Variants in PIWIL1 observed in about 807,000 individuals in gnomAD.
The protein encoded by PIWIL1 is piwi like RNA-mediated gene silencing 1.
Under a neutral mutation model 114.4 loss-of-function variants are expected in PIWIL1, and 73 were observed. The ratio of observed to expected loss-of-function variants is 0.64; its 90% CI spans 0.53 to 0.78. The LOEUF (loss-of-function observed/expected upper bound fraction) is 0.78, where lower values mean the gene tolerates loss of function less well. Ranked by LOEUF, PIWIL1 falls within the 30% of genes least tolerant of loss-of-function variation. The pLI is 0.00. For missense variants in PIWIL1, 723 were observed against 1,063.1 expected (o/e 0.68, Z 4.45); for synonymous variants, 375 against 369.0 (o/e 1.02, Z -0.19).
chr12:130,377,768 G>A, the PIWIL1 span, among the ~76,000 whole-genome samples: 26 of 152,228 alleles, frequency 1.7e-4, no homozygotes, highest in Admixed American at 1.6e-3. Context: ...CAGGGCCTGA[G>A]GTACCTTAGC....
At chr12:130,421,319 C>T in the PIWIL1 span, among the ~76,000 whole-genome samples, 2 of 152,342 alleles carry the variant, frequency 1.3e-5, no homozygotes, top group African/African-American at 2.4e-5. Flanking sequence ...TCTTTTATTA[C>T]TCAGTTAACT....
In PIWIL1 at chr12:130,362,721, A is replaced by G. The variant is rs752100782; in HGVS notation, c.1971-45A>G. On this transcript the variant is annotated intron_variant, in intron 16 of 20. Coordinates refer to ENST00000245255, the MANE Select transcript of PIWIL1 (RefSeq NM_004764.5). ...AGAATAATTCAGAAAGGAAAAATTG[A>G]TAGACAATTGCATTCTTATTCTAGC... The G allele has an allele frequency of 3.3e-6, 5 of 1,524,786 alleles. No individual in the cohort carries two copies. In the South Asian group the frequency reaches 5.7e-5, roughly 17 times the overall value. 94.5% of individuals were successfully genotyped at this position (1,524,786 alleles called of 1,614,324 possible).
intron 6 of PIWIL1, 121 bp downstream of exon 6, chr12:130,347,183 G>C: frequency 1.4e-6 from 1 of 728,322 alleles, no homozygotes; most frequent in Non-Finnish European, 2.3e-6. Context: ...GAGTTTCTCT[G>C]TATTGCAGTA....
At position 130,363,138 on chromosome 12, in the gene PIWIL1, G is replaced by T. The variant is rs200703653; in HGVS notation, c.2189G>T (p.Gly730Val). The T allele has an allele frequency of 1.9e-5, 30 of 1,613,460 alleles. No individual in the cohort carries two copies. The highest frequency in any genetic ancestry group is 9.3e-6 in the Non-Finnish European group (11 of 1,179,682). ...FLDCLKSIGR[G>V]YNPRLTVIVV... Reference sequence around the variant, plus strand: ...GATTGTCTAAAATCCATTGGTAGAGGTTACAAGTAAGCATGCAAATTGTAA... The same window carrying T: ...GATTGTCTAAAATCCATTGGTAGAGTTTACAAGTAAGCATGCAAATTGTAA... The change falls in exon 18 of 21, where the codon GGT becomes GTT. Residue 730 changes from glycine to valine, a missense_variant. By Grantham distance (109) the Gly-to-Val change is moderately radical. Coordinates refer to ENST00000245255, the MANE Select transcript of PIWIL1 (RefSeq NM_004764.5).
At chr12:130,355,886 C>T (rs2073351060) in intron 12 of PIWIL1, among the ~76,000 whole-genome samples, 1 of 152,102 alleles carries the variant, frequency 6.6e-6, no homozygotes, top group African/African-American at 2.4e-5. Flanking sequence ...CCTTTCTCTT[C>T]TCCCCTTGCA....
chr12:130,416,891 A>C, the PIWIL1 span, among the ~76,000 whole-genome samples: 2 of 152,208 alleles, frequency 1.3e-5, no homozygotes, highest in African/African-American at 4.8e-5. Context: ...CATTAAAAAG[A>C]GCAAAGGACA....
chr12:130,361,298 A>C lies in PIWIL1; in HGVS notation c.1784A>C (p.Gln595Pro), dbSNP rs754372088. The C allele has an allele frequency of 2.5e-6, 4 of 1,614,188 alleles. No homozygotes were observed. Among genetic ancestry groups the C allele is most frequent in the African/African-American group, 1.3e-5 (1 of 75,050 alleles). Reference protein sequence around the residue: ...CVVARTLGKQQTVMAIATKIA... With the variant: ...CVVARTLGKQPTVMAIATKIA... ...GTGGCCCGAACCTTAGGCAAACAGCAAACTGTCATGGCCATTGCTACAAAG... is the reference window on the plus strand; with the variant it reads ...GTGGCCCGAACCTTAGGCAAACAGCCAACTGTCATGGCCATTGCTACAAAG... Residue 595 changes from glutamine (Q) to proline (P), a missense_variant, in exon 15 of 21, where the codon CAA becomes CCA. Physicochemically the swap from Gln to Pro is moderately conservative, Grantham distance 76 (BLOSUM62 -1). Coordinates refer to ENST00000245255, the MANE Select transcript of PIWIL1 (RefSeq NM_004764.5).
chr12:130,354,093 G>A (rs1273057103), intron 9 of PIWIL1, among the ~76,000 whole-genome samples: 2 of 152,168 alleles, frequency 1.3e-5, no homozygotes, highest in Non-Finnish European at 2.9e-5. Context: ...CTGCCCTGTA[G>A]CGTAGGAACT....
intron 14 of PIWIL1, among the ~76,000 whole-genome samples, chr12:130,360,383 C>A (rs1422765158): frequency 6.6e-6 from 1 of 152,180 alleles, no homozygotes; most frequent in Admixed American, 6.5e-5. Context: ...CACCTGTAAT[C>A]CCAGCACTTT....
chr12:130,413,872 A>G, the PIWIL1 span, among the ~76,000 whole-genome samples: 8 of 152,296 alleles, frequency 5.3e-5, no homozygotes, highest in East Asian at 1.2e-3. Flanking sequence ...CGTAGGCCCT[A>G]ATAGAATCCA....
In PIWIL1 at chr12:130,363,612, C is replaced by CTTTTTT. The variant is rs34198016; in HGVS notation, c.2195+486_2195+491dup. Among the ~76,000 whole-genome samples, 146 of 82,410 alleles carry CTTTTTT rather than the reference C, an allele frequency of 1.8e-3. 8 individuals are homozygous for CTTTTTT. The highest frequency in any genetic ancestry group is 2.2e-3 in the Non-Finnish European group (103 of 47,218). The allele number at this position is 82,410 out of a possible 152,430, so 54.1% of individuals were successfully genotyped here. A position where few individuals can be genotyped will look rare whatever the true frequency, so the allele number is the denominator to read the frequency against. On this transcript the variant is annotated intron_variant, in intron 18 of 20. Coordinates refer to ENST00000245255, the MANE Select transcript of PIWIL1 (RefSeq NM_004764.5). ...GGGCAGGGGTAGTTCTACTTTCTCC[C>CTTTTTT]TTTTTTTTTTTTTTTTTTTTTTTGA... is the stretch of plus-strand genomic sequence containing the variant.
chr12:130,357,520 C>T lies in PIWIL1; in HGVS notation c.1632C>T (p.Val544=). The part of the protein sequence containing the change: ...VDDRTEAYLR[V]LQQKVTADTQ... Reference sequence around the variant, plus strand: ...ACAGAACTGAAGCCTACTTAAGAGTCTTACAGCAAAAGGTCACAGCAGACA... The same window carrying T: ...ACAGAACTGAAGCCTACTTAAGAGTTTTACAGCAAAAGGTCACAGCAGACA... The change falls in exon 14 of 21, where the codon GTC becomes GTT. Residue 544 remains valine (V), a synonymous_variant. Transcript: ENST00000245255. The T allele has an allele frequency of 6.2e-7, 1 of 1,613,388 alleles. No individual in the cohort carries two copies. Among genetic ancestry groups the T allele is most frequent in the Non-Finnish European group, 8.5e-7 (1 of 1,179,440 alleles).
chr12:130,423,332 C>T, the PIWIL1 span, among the ~76,000 whole-genome samples: 122 of 152,252 alleles, frequency 8.0e-4, no homozygotes, highest in African/African-American at 2.4e-3. Flanking sequence ...CTGCCGTGGG[C>T]GGCTGAGTCA....
In PIWIL1 at chr12:130,356,968, A is replaced by G. The variant is rs751255077; in HGVS notation, c.1455A>G (p.Ala485=). 4.3e-6 allele frequency: 7 copies of G among 1,613,344 alleles called. No individual in the cohort carries two copies. The East Asian group carries it at 8.9e-5, about 21-fold the overall frequency. The part of the protein sequence containing the change: ...FADWSKETRG[A]PLISVKPLDN... ...ATTGGTCCAAAGAAACAAGAGGTGC[A>G]CCATTAATTAGTGTTAAGCCACTAG... Residue 485 remains alanine, a synonymous_variant, in exon 13 of 21, where the codon GCA becomes GCG. Coordinates refer to ENST00000245255, the MANE Select transcript of PIWIL1 (RefSeq NM_004764.5).
At chr12:130,348,384 G>A (rs573533864) in intron 7 of PIWIL1, among the ~76,000 whole-genome samples, 1 of 152,316 alleles carries the variant, frequency 6.6e-6, no homozygotes, top group South Asian at 2.1e-4. Context: ...CCTGTCACTA[G>A]GGAAGAATAC....
the PIWIL1 span, among the ~76,000 whole-genome samples, chr12:130,423,263 A>C: frequency 6.6e-6 from 1 of 152,254 alleles, no homozygotes; most frequent in Middle Eastern, 3.4e-3. Flanking sequence ...GTGGGAAGGG[A>C]GTCCGGGGAT....
the PIWIL1 span, among the ~76,000 whole-genome samples, chr12:130,402,587 C>T: frequency 1.1e-4 from 17 of 152,180 alleles, no homozygotes; most frequent in Non-Finnish European, 2.5e-4. Context: ...TTTCCCTCCT[C>T]AGTCCCTCCA....
the PIWIL1 span, among the ~76,000 whole-genome samples, chr12:130,400,657 A>G: frequency 3.9e-5 from 6 of 152,184 alleles, no homozygotes; most frequent in Non-Finnish European, 8.8e-5. Flanking sequence ...ACATCAAAAC[A>G]CCTGTGCAGT....
chr12:130,362,449 G>A (rs968027854), intron 16 of PIWIL1, among the ~76,000 whole-genome samples: 2 of 152,182 alleles, frequency 1.3e-5, no homozygotes, highest in African/African-American at 4.8e-5. Flanking sequence ...GTGTGCTTCT[G>A]TGCGTATTTA....
Sources: allele counts gnomAD v4.1 joint callset (sites outside exome capture counted in the v4.1 genomes callset), GRCh38; gene constraint gnomAD v4.1.1; transcripts MANE v1.5; gene names NCBI Gene and HGNC (gene_info 2026-07-23, HGNC 2026-07-21).